SORCS3: variants seen among roughly 807,000 people sequenced by gnomAD.
The protein encoded by SORCS3 is VPS10 domain-containing receptor SorCS3.
Under a neutral mutation model 146.3 loss-of-function variants are expected in SORCS3, and 57 were observed. The observed-to-expected ratio is 0.39, with a 90% CI of 0.31 to 0.49. SORCS3 has a LOEUF of 0.49. Among genes scored for constraint, SORCS3 ranks in the 20% least tolerant of loss-of-function variants. The pLI is 0.92. For missense variants in SORCS3, 1,341 were observed against 1,575.5 expected, an observed-to-expected ratio of 0.85 and a Z score of 2.52; for synonymous variants, 653 against 618.5, an observed-to-expected ratio of 1.06 and a Z score of -0.83.
intron 1 of SORCS3, among the ~76,000 whole-genome samples, chr10:104,810,376 A>T (rs548131984): frequency 1.6e-4 from 25 of 152,336 alleles, no homozygotes; most frequent in African/African-American, 5.5e-4. Flanking sequence ...CATTGTCATC[A>T]TATAGTGTGT....
At chr10:105,199,060 G>T (rs1015309595) in intron 14 of SORCS3, among the ~76,000 whole-genome samples, 3 of 152,080 alleles carry the variant, frequency 2.0e-5, no homozygotes, top group African/African-American at 7.2e-5. Context: ...AGAATCCAGG[G>T]CTGGTAGTGT....
chr10:105,041,410 A>AT lies in SORCS3; in HGVS notation c.955-1645_955-1644insT, dbSNP rs1554871578. 3.0e-3 allele frequency among the ~76,000 whole-genome samples: 435 copies of AT among 144,338 alleles called. 5 individuals carry two copies. The highest frequency in any genetic ancestry group is 0.011 in the East Asian group (55 of 5,000). The allele number at this position is 144,338 out of a possible 152,430, so 94.7% of individuals were successfully genotyped here. On this transcript the variant is annotated intron_variant, in intron 4 of 26. Transcript: ENST00000369701. The stretch of plus-strand genomic sequence containing the variant: ...ACAGGCTATTTTGAGGATTAAAAAA[A>AT]ATATATATATATATATACACACACA...
chr10:104,709,405 C>T (rs2016386034), intron 1 of SORCS3, among the ~76,000 whole-genome samples: 1 of 152,082 alleles, frequency 6.6e-6, no homozygotes, highest in Non-Finnish European at 1.5e-5. Flanking sequence ...CAATTCTCCC[C>T]TGTTTTTTTG....
At chr10:104,823,483 C>T (rs903346405) in intron 1 of SORCS3, among the ~76,000 whole-genome samples, 2 of 152,148 alleles carry the variant, frequency 1.3e-5, no homozygotes, top group African/African-American at 4.8e-5. Context: ...CTCTCCTTTC[C>T]CACTGCCATT....
At chr10:104,954,705 T>G (rs2019468605) in intron 3 of SORCS3, among the ~76,000 whole-genome samples, 1 of 152,198 alleles carries the variant, frequency 6.6e-6, no homozygotes, top group African/African-American at 2.4e-5. Context: ...GCAACAAGTT[T>G]CACTAGCCAG....
At chr10:104,646,073 C>T (rs575636210) in intron 1 of SORCS3, among the ~76,000 whole-genome samples, 4 of 152,286 alleles carry the variant, frequency 2.6e-5, no homozygotes, top group African/African-American at 9.6e-5. Flanking sequence ...TGAGATGTAG[C>T]TGGGAAATGC....
intron 16 of SORCS3, among the ~76,000 whole-genome samples, chr10:105,201,932 A>T (rs757140500): frequency 6.6e-6 from 1 of 152,168 alleles, no homozygotes. Context: ...TCTAATTTCA[A>T]TAAAACACAC....
At chr10:105,043,482 A>T (rs371390449) in intron 5 of SORCS3, among the ~76,000 whole-genome samples, 2 of 152,298 alleles carry the variant, frequency 1.3e-5, no homozygotes, top group African/African-American at 4.8e-5. Flanking sequence ...AAAAGTGCAT[A>T]TATTTTATGT....
chr10:104,673,784 T>G (rs1342214255), intron 1 of SORCS3, among the ~76,000 whole-genome samples: 1 of 152,150 alleles, frequency 6.6e-6, no homozygotes, highest in African/African-American at 2.4e-5. Flanking sequence ...CTATTTTCTT[T>G]GTGGTTACCA....
At chr10:105,176,018 G>A (rs1186119734) in intron 13 of SORCS3, among the ~76,000 whole-genome samples, 1 of 152,128 alleles carries the variant, frequency 6.6e-6, no homozygotes, top group East Asian at 1.9e-4. Context: ...AGTAGAGAGT[G>A]AACCATGTAG....
intron 5 of SORCS3, among the ~76,000 whole-genome samples, chr10:105,068,714 T>C (rs1458930077): frequency 1.3e-5 from 2 of 152,242 alleles, no homozygotes; most frequent in East Asian, 3.8e-4. Context: ...CTGATGTTGA[T>C]GAGTTATCAC....
intron 1 of SORCS3, among the ~76,000 whole-genome samples, chr10:104,797,659 G>A (rs953335874): frequency 6.6e-5 from 10 of 152,180 alleles, no homozygotes; most frequent in African/African-American, 2.4e-4. Context: ...ACTGCCTAAA[G>A]TCACACAGTA....
Position 104,724,336 on chromosome 10 carries a change from G to A in SORCS3, c.627+82382G>A, listed in dbSNP as rs928509778. Among the ~76,000 whole-genome samples the A allele has an allele frequency of 1.6e-4, 25 of 152,298 alleles. No individual in the cohort carries two copies. In the East Asian group the frequency reaches 4.4e-3, roughly 27 times the overall value. On this transcript the variant is annotated intron_variant, in intron 1 of 26. Transcript: ENST00000369701. ...TCTTCTGACTTGTAGAGTTTCTGCC[G>A]AGAGATCAGCTGTTAGTCTGATGGG...
intron 7 of SORCS3, among the ~76,000 whole-genome samples, chr10:105,135,887 C>A (rs2056055708): frequency 6.6e-6 from 1 of 152,162 alleles, no homozygotes; most frequent in South Asian, 2.1e-4. Context: ...CTGTTCATGA[C>A]CAGGTAAGTA....
intron 22 of SORCS3, among the ~76,000 whole-genome samples, chr10:105,250,054 T>C (rs1474793473): frequency 2.0e-5 from 3 of 152,138 alleles, no homozygotes; most frequent in Admixed American, 6.5e-5. Context: ...AAGATCAAGA[T>C]GCTGGTAGAT....
intron 14 of SORCS3, among the ~76,000 whole-genome samples, chr10:105,182,230 C>CTTTTGTTTTTT (rs2056446778): frequency 1.4e-5 from 1 of 70,486 alleles, no homozygotes; most frequent in East Asian, 5.1e-4. Context: ...TATTCAGCAT[C>CTTTTGTTTTTT]TTTTTTTTTT....
chr10:105,120,529 C>T (rs539269965), intron 7 of SORCS3, among the ~76,000 whole-genome samples: 2 of 152,218 alleles, frequency 1.3e-5, no homozygotes, highest in African/African-American at 2.4e-5. Flanking sequence ...TTACAGGATG[C>T]CCATCAATCC....
chr10:105,150,384 T>C (rs937378181), intron 9 of SORCS3, among the ~76,000 whole-genome samples: 2 of 152,096 alleles, frequency 1.3e-5, no homozygotes, highest in Non-Finnish European at 2.9e-5. Flanking sequence ...GCAGCACTGA[T>C]GTAAAAAGGA....
intron 2 of SORCS3, among the ~76,000 whole-genome samples, chr10:104,909,571 G>A (rs2018944683): frequency 6.6e-6 from 1 of 152,074 alleles, no homozygotes; most frequent in East Asian, 1.9e-4. Context: ...GAAGAAATGA[G>A]GAGAGGACTG....
Sources: gnomAD v4.1 joint callset for allele counts (sites outside exome capture counted in the v4.1 genomes callset) on GRCh38, gnomAD v4.1.1 for gene constraint, MANE v1.5 for transcripts, NCBI Gene and HGNC (gene_info 2026-07-23, HGNC 2026-07-21) for gene names.